The following NOBOX variants were observed in gnomAD, a reference collection of about 807,000 sequenced individuals.
NOBOX encodes NOBOX oogenesis homeobox.
Under a neutral mutation model 60.2 loss-of-function variants are expected in NOBOX, and 46 were observed. The ratio of observed to expected loss-of-function variants is 0.76; its 90% CI spans 0.60 to 0.98. The LOEUF (loss-of-function observed/expected upper bound fraction) is 0.98. Among genes scored for constraint, NOBOX ranks in the 50% least tolerant of loss-of-function variants. The pLI, the probability that NOBOX is intolerant of heterozygous loss-of-function variation, is 0.00. For missense variants in NOBOX, 880 were observed against 865.5 expected (o/e 1.02, Z -0.21); for synonymous variants, 360 against 346.3 (o/e 1.04, Z -0.44).
rs2053941054 is a variant in NOBOX at position 144,401,717 on chromosome 7, T to C, written c.293-120A>G. On this transcript the variant is annotated intron_variant, in intron 3 of 9. Transcript: ENST00000467773. The surrounding 1 kb of genome is among the most constrained non-coding windows in gnomAD (Gnocchi z 4.2). ...TCTTAAGCTTTAATTTGTCTACCTA[T>C]CAAATGGGGTAATAATTCCACACTT... 7 of 1,090,340 alleles carry C rather than the reference T, an allele frequency of 6.4e-6. No individual in the cohort carries two copies. Among genetic ancestry groups the C allele is most frequent in the Non-Finnish European group, 9.1e-6 (7 of 770,286 alleles). The allele number at this position is 1,090,340 out of a possible 1,614,324, so 67.5% of individuals were successfully genotyped here. A position where few individuals can be genotyped will look rare whatever the true frequency, so the allele number is the denominator to read the frequency against.
chr7:144,400,441 C>T, intron 4 of NOBOX, 129 bp from the exon 3 acceptor site: 1 of 772,028 alleles, frequency 1.3e-6, no homozygotes, highest in Non-Finnish European at 2.1e-6. Flanking sequence ...TTTCCCAAAG[C>T]CTTTTTCCTA....
rs1451130886 is a variant in NOBOX, at chr7:144,401,430, C to G, written c.460G>C (p.Asp154His). ...GGGGGCGGGCACAGTCTCCCAGCAT[C>G]AGCCCCGGTGGCTTCTCCAGAGACT... is the stretch of plus-strand genomic sequence containing the variant. Residue 154 changes from aspartate to histidine, a missense_variant, in exon 4 of 10, where the codon GAT (aspartate) becomes CAT (histidine). By Grantham distance (81) the Asp-to-His change is moderately conservative (BLOSUM62 -1). Transcript: ENST00000467773. The surrounding 1 kb of genome is among the most constrained non-coding windows in gnomAD (Gnocchi z 4.2). The G allele has an allele frequency of 1.5e-5, 24 of 1,609,056 alleles. No individual in the cohort carries two copies. The highest frequency in any genetic ancestry group is 2.0e-5 in the Non-Finnish European group (24 of 1,177,402).
intron 4 of NOBOX, 147 bp from the exon 3 acceptor site, chr7:144,400,459 G>T: frequency 1.5e-6 from 1 of 670,644 alleles, no homozygotes; most frequent in Non-Finnish European, 2.5e-6. Flanking sequence ...CTATTGGGCT[G>T]GGCCTTCTCG....
intron 1 of NOBOX, among the ~76,000 whole-genome samples, chr7:144,405,393 A>G (rs2128863154): frequency 6.6e-6 from 1 of 152,286 alleles, no homozygotes; most frequent in Non-Finnish European, 1.5e-5. Flanking sequence ...ACAGAAGCTT[A>G]CTGGTGGAGG....
At chr7:144,407,462 A>G in intron 1 of NOBOX, among the ~76,000 whole-genome samples, 1 of 152,246 alleles carries the variant, frequency 6.6e-6, no homozygotes, top group East Asian at 1.9e-4. Context: ...ATGGGAGGTC[A>G]GGGCCCCCGG....
intron 2 of NOBOX, chr7:144,402,055 A>T: frequency 1.2e-6 from 1 of 805,982 alleles, no homozygotes; most frequent in Non-Finnish European, 2.1e-6. Flanking sequence ...TTGCTTGGAG[A>T]AGGGACAAGA....
At chr7:144,399,686 G>A in intron 6 of NOBOX, 71 bp downstream of exon 4, 1 of 1,325,446 alleles carries the variant, frequency 7.5e-7, no homozygotes, top group East Asian at 2.5e-5. Flanking sequence ...TCTCCTTCTA[G>A]ACCCTCAGGA....
chr7:144,401,890 C>A lies in NOBOX; in HGVS notation c.271G>T (p.Gly91Trp), dbSNP rs77587352. 2,422 of 1,611,800 alleles carry A rather than the reference C, an allele frequency of 1.5e-3. 41 individuals are homozygous for A. In the African/African-American group the frequency reaches 0.026, roughly 17 times the overall value. ...TCACCCCTTGTGAGTTCCCTTTTCC[C>A]AGACACCAGGGGTATGAGTTTGAGG... The change falls in exon 3 of 10, where the codon GGG becomes TGG. Residue 91 changes from glycine to tryptophan, a missense_variant. Transcript: ENST00000467773. This position sits in a 1 kb window ranked among gnomAD's most constrained non-coding sequence, Gnocchi z 4.2.
intron 1 of NOBOX, among the ~76,000 whole-genome samples, chr7:144,405,115 AAC>A (rs2053976473): frequency 1.3e-5 from 2 of 152,160 alleles, no homozygotes; most frequent in South Asian, 4.2e-4. Flanking sequence ...TTCTTTCTGA[AAC>A]ACAAAAATGT....
At position 144,399,442 on chromosome 7, in the gene NOBOX, T is replaced by G; in HGVS notation, c.1195A>C (p.Lys399Gln). The change falls in exon 7 of 10, where the codon AAG becomes CAG. Residue 399 changes from lysine (K) to glutamine (Q), a missense_variant. By Grantham distance (53) the Lys-to-Gln change is moderately conservative. Transcript: ENST00000467773. ...GACTCCTGAGGGAAAGGGTCAGGCT[T>G]TGGCTCCATGGGCACAGCAGGTAGG... The G allele has an allele frequency of 6.3e-7, 1 of 1,588,554 alleles. No homozygotes were observed. Among genetic ancestry groups the G allele is most frequent in the South Asian group, 1.2e-5 (1 of 86,432 alleles).
At chr7:144,402,670 T>G (rs2053950277) in intron 2 of NOBOX, among the ~76,000 whole-genome samples, 1 of 152,070 alleles carries the variant, frequency 6.6e-6, no homozygotes, top group Non-Finnish European at 1.5e-5. Flanking sequence ...TTGGAACATT[T>G]GTAATGAATG....
At chr7:144,403,574 G>A (rs2053959170) in intron 2 of NOBOX, 83 bp downstream of exon 1, 2 of 440,058 alleles carry the variant, frequency 4.5e-6, no homozygotes, top group Non-Finnish European at 8.8e-6. Context: ...GTCGGCTAAC[G>A]CTGACCTGGT....
chr7:144,403,525 C>T, intron 2 of NOBOX, 132 bp downstream of exon 1: 1 of 334,544 alleles, frequency 3.0e-6, no homozygotes, highest in Non-Finnish European at 5.8e-6. Context: ...CCCTACCCCA[C>T]CCGACTCCAC....
chr7:144,403,604 T>TC, intron 2 of NOBOX, 53 bp downstream of exon 1: 2 of 306,708 alleles, frequency 6.5e-6, no homozygotes, highest in Admixed American at 5.1e-5. Flanking sequence ...CCTCCCCCCC[T>TC]CCCCGAACCC....
In NOBOX at chr7:144,410,198, TG is replaced by T; in HGVS notation, c.29del (p.Pro10GlnfsTer67). The T allele has an allele frequency of 6.4e-7, 1 of 1,570,208 alleles. No individual in the cohort carries two copies. The highest frequency in any genetic ancestry group is 1.9e-5 in the Admixed American group (1 of 53,650). The stretch of plus-strand genomic sequence containing the variant: ...TGGTGTCCCAGGTACCCTCCAGGTC[TG>T]GTGATGTTAGTGTCAAAAGGAGAGC... On this transcript the variant is annotated frameshift_variant, in exon 1 of 10. Transcript: ENST00000467773. LOFTEE classifies it high-confidence loss of function.
intron 9 of NOBOX, 26 bp downstream of exon 7, chr7:144,398,250 CAAGGGG>C: frequency 3.3e-6 from 5 of 1,533,530 alleles, no homozygotes; most frequent in Non-Finnish European, 4.4e-6. Context: ...TCCTCAATCT[CAAGGGG>C]ACCTTCTCTC....
chr7:144,400,169 C>A lies in NOBOX; in HGVS notation c.988G>T (p.Gly330Cys). 15 of 1,614,048 alleles carry A rather than the reference C, an allele frequency of 9.3e-6. No individual in the cohort carries two copies. The highest frequency in any genetic ancestry group is 1.3e-5 in the Non-Finnish European group (15 of 1,179,908). The change falls in exon 5 of 10, where the codon GGC becomes TGC. Residue 330 changes from glycine to cysteine, a missense_variant. Physicochemically the swap from Gly to Cys is radical, Grantham distance 159. Coordinates refer to ENST00000467773, the MANE Select transcript of NOBOX (RefSeq NM_001080413.3). ...AGTGTTTCAATGGTGGGCCCTCCGC[C>A]ACTCCACCCTGCCACCAGTGAGCCG...
chr7:144,407,464 G>A (rs2053993602), intron 1 of NOBOX, among the ~76,000 whole-genome samples: 1 of 152,210 alleles, frequency 6.6e-6, no homozygotes, highest in African/African-American at 2.4e-5. Context: ...GGGAGGTCAG[G>A]GCCCCCGGAA....
chr7:144,400,363 G>C, intron 4 of NOBOX, 51 bp from the exon 3 acceptor site: 2 of 1,539,018 alleles, frequency 1.3e-6, no homozygotes, highest in Non-Finnish European at 1.8e-6. Flanking sequence ...GTGACAGGTA[G>C]GTGAAGAGAA....
Sources: gnomAD v4.1 joint callset for allele counts (sites outside exome capture counted in the v4.1 genomes callset) on GRCh38, gnomAD v4.1.1 for gene constraint, Gnocchi (gnomAD v3.1) non-coding constraint, MANE v1.5 for transcripts, NCBI Gene and HGNC (gene_info 2026-07-23, HGNC 2026-07-21) for gene names.